The following EPHA6 variants were observed in gnomAD, a reference collection of about 807,000 sequenced individuals.
EPHA6 encodes the protein ephrin type-A receptor 6.
A neutral mutation model predicts 112.0 loss-of-function variants in EPHA6; 50 were observed. The ratio of observed to expected loss-of-function variants is 0.45; its 90% CI spans 0.36 to 0.56. The LOEUF (loss-of-function observed/expected upper bound fraction) is 0.56. Ranked by LOEUF, EPHA6 falls within the 20% of genes least tolerant of loss-of-function variation. The probability of loss-of-function intolerance (pLI) is 0.00; values close to 1 mark genes in which losing one functional copy is unlikely to be tolerated. For synonymous variants in EPHA6, 529 were observed against 490.7 expected (o/e 1.08, Z -1.03); for missense variants, 1,280 against 1,417.4 (o/e 0.90, Z 1.56).
At chr3:97,498,386 T>G (rs953307861) in intron 10 of EPHA6, among the ~76,000 whole-genome samples, 2 of 151,720 alleles carry the variant, frequency 1.3e-5, no homozygotes, top group Admixed American at 6.6e-5. Context: ...AATGTCTTGC[T>G]TGCCAGAGTT....
chr3:96,934,129 G>A (rs1206640908), intron 2 of EPHA6, among the ~76,000 whole-genome samples: 1 of 151,614 alleles, frequency 6.6e-6, no homozygotes, highest in Non-Finnish European at 1.5e-5. Context: ...TATTTTAATG[G>A]GTTCTATTCA....
chr3:97,222,039 A>AG (rs1311281332), intron 3 of EPHA6, among the ~76,000 whole-genome samples: 1 of 151,924 alleles, frequency 6.6e-6, no homozygotes, highest in African/African-American at 2.4e-5. Context: ...AAAAAAAAAA[A>AG]AAACCAACCA....
chr3:96,876,188 T>G (rs2036937295), intron 2 of EPHA6, among the ~76,000 whole-genome samples: 1 of 151,132 alleles, frequency 6.6e-6, no homozygotes, highest in Non-Finnish European at 1.5e-5. Context: ...CAGACTGGTC[T>G]CAAACTCCTG....
intron 3 of EPHA6, among the ~76,000 whole-genome samples, chr3:96,993,813 C>T (rs545304379): frequency 1.4e-4 from 22 of 152,146 alleles, no homozygotes; most frequent in African/African-American, 5.3e-4. Flanking sequence ...AGATGATAAA[C>T]AGGAAAAATT....
intron 11 of EPHA6, among the ~76,000 whole-genome samples, chr3:97,583,751 C>T (rs2093462997): frequency 6.6e-6 from 1 of 152,040 alleles, no homozygotes; most frequent in Admixed American, 6.6e-5. Context: ...CAATCAAAAT[C>T]CCAGCAAGTT....
At chr3:96,866,228 A>G (rs977875052) in intron 1 of EPHA6, among the ~76,000 whole-genome samples, 3 of 152,026 alleles carry the variant, frequency 2.0e-5, no homozygotes, top group African/African-American at 7.2e-5. Context: ...TGCTTTTTTG[A>G]CAAGATTATG....
chr3:97,567,034 T>C (rs1442602575), intron 11 of EPHA6, among the ~76,000 whole-genome samples: 1 of 152,200 alleles, frequency 6.6e-6, no homozygotes, highest in Non-Finnish European at 1.5e-5. Flanking sequence ...GGAAAATCAA[T>C]GTGCTCTTCC....
chr3:97,691,363 T>G (rs966327707), intron 14 of EPHA6, among the ~76,000 whole-genome samples: 9 of 152,222 alleles, frequency 5.9e-5, no homozygotes, highest in Non-Finnish European at 1.2e-4. Context: ...AGTTTTAAAG[T>G]CTGTTAATAT....
At chr3:97,295,068 GT>G (rs2080828097) in intron 5 of EPHA6, among the ~76,000 whole-genome samples, 1 of 151,962 alleles carries the variant, frequency 6.6e-6, no homozygotes, top group African/African-American at 2.4e-5. Flanking sequence ...ACTTTTTTGG[GT>G]AATAGCTATT....
chr3:96,885,969 T>G (rs1030734503), intron 2 of EPHA6, among the ~76,000 whole-genome samples: 2 of 152,224 alleles, frequency 1.3e-5, no homozygotes, highest in Admixed American at 1.3e-4. Flanking sequence ...CCATCTTGAT[T>G]TCTTGTTTGA....
chr3:97,158,368 T>C (rs1371504863), intron 3 of EPHA6, among the ~76,000 whole-genome samples: 2 of 152,192 alleles, frequency 1.3e-5, no homozygotes, highest in Non-Finnish European at 2.9e-5. Flanking sequence ...CCATAGCTGG[T>C]ATTTACAACT....
chr3:97,331,361 A>T (rs1373688478), intron 5 of EPHA6, among the ~76,000 whole-genome samples: 3 of 152,166 alleles, frequency 2.0e-5, no homozygotes, highest in Non-Finnish European at 4.4e-5. Context: ...GAACAAACAC[A>T]TTCAAAAGCT....
At chr3:97,043,504 A>G (rs1311420020) in intron 3 of EPHA6, among the ~76,000 whole-genome samples, 1 of 152,196 alleles carries the variant, frequency 6.6e-6, no homozygotes, top group African/African-American at 2.4e-5. Context: ...GATGCTCTTT[A>G]GGAAATACTA....
At chr3:97,072,353 T>A (rs918747152) in intron 3 of EPHA6, among the ~76,000 whole-genome samples, 1 of 152,026 alleles carries the variant, frequency 6.6e-6, no homozygotes, top group Non-Finnish European at 1.5e-5. Context: ...GGTGTCCTTA[T>A]GAAAGAGGGA....
At chr3:97,314,205 T>C (rs2081699941) in intron 5 of EPHA6, among the ~76,000 whole-genome samples, 1 of 151,688 alleles carries the variant, frequency 6.6e-6, no homozygotes, top group Admixed American at 6.6e-5. Flanking sequence ...TGTTTATTTC[T>C]GGGCTTTCTA....
intron 3 of EPHA6, among the ~76,000 whole-genome samples, chr3:97,183,522 A>G (rs1329857865): frequency 6.6e-6 from 1 of 152,192 alleles, no homozygotes; most frequent in African/African-American, 2.4e-5. Flanking sequence ...AAGTAAAGGA[A>G]CATCTCATAA....
chr3:97,116,873 A>T (rs944604704), intron 3 of EPHA6, among the ~76,000 whole-genome samples: 2 of 151,648 alleles, frequency 1.3e-5, no homozygotes, highest in East Asian at 1.9e-4. Flanking sequence ...GCTGGATCAT[A>T]TGGTAGTTTT....
At chr3:97,667,683 GAAC>G (rs1448750013) in intron 14 of EPHA6, among the ~76,000 whole-genome samples, 1 of 152,064 alleles carries the variant, frequency 6.6e-6, no homozygotes, top group African/African-American at 2.4e-5. Flanking sequence ...ACTTTGTAGA[GAAC>G]AACATGGGCA....
intron 14 of EPHA6, among the ~76,000 whole-genome samples, chr3:97,713,957 A>G (rs560463494): frequency 6.6e-6 from 1 of 152,352 alleles, no homozygotes; most frequent in African/African-American, 2.4e-5. Context: ...GCATGGGACT[A>G]AACTCACTGG....
Sources: allele counts gnomAD v4.1 joint callset (sites outside exome capture counted in the v4.1 genomes callset), GRCh38; gene constraint gnomAD v4.1.1; transcripts MANE v1.5; gene names NCBI Gene and HGNC (gene_info 2026-07-23, HGNC 2026-07-21).